The following KCTD1 variants were observed in gnomAD, a reference collection of about 807,000 sequenced individuals.
KCTD1 encodes the protein BTB/POZ domain-containing protein KCTD1.
In KCTD1, 24 loss-of-function variants were observed where a neutral mutation model predicts 66.0. The ratio of observed to expected loss-of-function variants is 0.36; its 90% CI spans 0.26 to 0.51. The LOEUF (loss-of-function observed/expected upper bound fraction) is 0.51, where lower values mean the gene tolerates loss of function less well. Ranked by LOEUF, KCTD1 falls within the 20% of genes least tolerant of loss-of-function variation. The probability of loss-of-function intolerance (pLI) is 0.95; values close to 1 mark genes in which losing one functional copy is unlikely to be tolerated. For missense variants in KCTD1, 943 were observed against 1,205.2 expected, an observed-to-expected ratio of 0.78 and a Z score of 3.22; for synonymous variants, 511 against 517.2, an observed-to-expected ratio of 0.99 and a Z score of 0.16.
chr18:26,520,814 T>C (rs552751951), intron 1 of KCTD1, among the ~76,000 whole-genome samples: 1 of 152,368 alleles, frequency 6.6e-6, no homozygotes, highest in Non-Finnish European at 1.5e-5. Flanking sequence ...GTCCTCACTT[T>C]GAACTGGCAT....
intron 1 of KCTD1, among the ~76,000 whole-genome samples, chr18:26,615,146 T>C (rs531341017): frequency 3.3e-5 from 5 of 152,294 alleles, no homozygotes; most frequent in Non-Finnish European, 4.4e-5. Context: ...GGAAACCTGA[T>C]AGACTACAAA....
intron 1 of KCTD1, among the ~76,000 whole-genome samples, chr18:26,558,480 G>A (rs1235066087): frequency 6.6e-6 from 1 of 152,170 alleles, no homozygotes; most frequent in African/African-American, 2.4e-5. Context: ...TAGGAAATCA[G>A]TATATAGAAG....
intron 1 of KCTD1, among the ~76,000 whole-genome samples, chr18:26,537,069 G>A (rs866711328): frequency 6.6e-6 from 1 of 152,204 alleles, no homozygotes; most frequent in Middle Eastern, 3.4e-3. Flanking sequence ...AGAACTCTGG[G>A]GTGAGCGGAA....
chr18:26,630,574 AT>A (rs1190198437), upstream of KCTD1, among the ~76,000 whole-genome samples: 2 of 152,120 alleles, frequency 1.3e-5, no homozygotes, highest in African/African-American at 2.4e-5. Context: ...GGCCAAGGTG[AT>A]CCTCCCACCA....
chr18:26,533,118 CAT>C (rs1204467902), intron 1 of KCTD1, among the ~76,000 whole-genome samples: 1 of 152,166 alleles, frequency 6.6e-6, no homozygotes, highest in East Asian at 1.9e-4. Flanking sequence ...ACTTACATAA[CAT>C]GTGATACACA....
At chr18:26,575,049 C>T (rs1189000299) in intron 1 of KCTD1, among the ~76,000 whole-genome samples, 2 of 152,140 alleles carry the variant, frequency 1.3e-5, no homozygotes, top group Non-Finnish European at 2.9e-5. Flanking sequence ...AATTAGCCCA[C>T]CTGGAGACAT....
chr18:26,489,117 G>A (rs1261365793), intron 2 of KCTD1, among the ~76,000 whole-genome samples: 1 of 152,178 alleles, frequency 6.6e-6, no homozygotes, highest in East Asian at 1.9e-4. Context: ...CTGCACCAAC[G>A]CAGCTGGCTG....
chr18:26,642,174 A>G (rs1987846626), upstream of KCTD1, among the ~76,000 whole-genome samples: 1 of 152,002 alleles, frequency 6.6e-6, no homozygotes, highest in African/African-American at 2.4e-5. Context: ...CGACCCAGGA[A>G]CTCTTTGTAA....
chr18:26,600,321 T>A, intron 1 of KCTD1: 1 of 1,559,936 alleles, frequency 6.4e-7, no homozygotes, highest in South Asian at 1.1e-5. Flanking sequence ...TTCTGAGCAA[T>A]AGCAATCTTC....
intron 1 of KCTD1, among the ~76,000 whole-genome samples, chr18:26,607,370 G>A (rs1987040728): frequency 6.6e-6 from 1 of 152,300 alleles, no homozygotes; most frequent in Non-Finnish European, 1.5e-5. Flanking sequence ...ATTATAGCAT[G>A]TAACATATAG....
chr18:26,615,830 G>A (rs1231485058), intron 1 of KCTD1, among the ~76,000 whole-genome samples: 1 of 152,014 alleles, frequency 6.6e-6, no homozygotes, highest in African/African-American at 2.4e-5. Flanking sequence ...TGCTGTTGTT[G>A]CCCAGGCTGG....
chr18:26,614,922 G>A (rs1987217086), intron 1 of KCTD1, among the ~76,000 whole-genome samples: 1 of 152,172 alleles, frequency 6.6e-6, no homozygotes, highest in African/African-American at 2.4e-5. Flanking sequence ...CTAACAATTT[G>A]CTCATTGATT....
At chr18:26,567,736 C>T (rs1986017217) in intron 1 of KCTD1, among the ~76,000 whole-genome samples, 1 of 152,086 alleles carries the variant, frequency 6.6e-6, no homozygotes, top group African/African-American at 2.4e-5. Context: ...ATCCGCCTGC[C>T]TCAGCCTCCC....
intron 1 of KCTD1, among the ~76,000 whole-genome samples, chr18:26,522,074 G>T (rs929453524): frequency 6.6e-6 from 1 of 152,218 alleles, no homozygotes; most frequent in South Asian, 2.1e-4. Flanking sequence ...GTTCTTCCAG[G>T]GACTGACAGA....
chr18:26,537,469 A>G (rs1984761698), intron 1 of KCTD1, among the ~76,000 whole-genome samples: 1 of 152,236 alleles, frequency 6.6e-6, no homozygotes, highest in Non-Finnish European at 1.5e-5. Flanking sequence ...ACTAAAAACA[A>G]GTCACAAAAG....
chr18:26,568,299 A>T (rs1027242755), intron 1 of KCTD1, among the ~76,000 whole-genome samples: 1 of 151,944 alleles, frequency 6.6e-6, no homozygotes, highest in Admixed American at 6.6e-5. Context: ...GTGAAGTGTC[A>T]CTCCTAGCTC....
intron 1 of KCTD1, among the ~76,000 whole-genome samples, chr18:26,605,044 G>A (rs1986981245): frequency 6.6e-6 from 1 of 152,082 alleles, no homozygotes. Flanking sequence ...CCCAAAAATG[G>A]ATTACTGTGT....
At chr18:26,577,505 T>C (rs1986251616) in intron 1 of KCTD1, among the ~76,000 whole-genome samples, 1 of 152,048 alleles carries the variant, frequency 6.6e-6, no homozygotes, top group Non-Finnish European at 1.5e-5. Context: ...CTTTTCAATG[T>C]GATTATTTCT....
chr18:26,477,022 T>C (rs1230004300), intron 2 of KCTD1: 5 of 171,384 alleles, frequency 2.9e-5, no homozygotes, highest in Admixed American at 6.4e-5. Flanking sequence ...CCAAAGCATC[T>C]TTGAAACAGG....
Sources: gnomAD v4.1 joint callset for allele counts (sites outside exome capture counted in the v4.1 genomes callset) on GRCh38, gnomAD v4.1.1 for gene constraint, MANE v1.5 for transcripts, NCBI Gene and HGNC (gene_info 2026-07-23, HGNC 2026-07-21) for gene names.